XPC: variants seen among roughly 807,000 people sequenced by gnomAD.
The protein encoded by XPC is DNA repair protein complementing XP-C cells.
In XPC, 76 loss-of-function variants were observed where a neutral mutation model predicts 95.8. The ratio of observed to expected loss-of-function variants is 0.79; its 90% CI spans 0.66 to 0.96. The LOEUF (loss-of-function observed/expected upper bound fraction) is 0.96. XPC is among the 40% of genes least tolerant of loss of function. The pLI, the probability that XPC is intolerant of heterozygous loss-of-function variation, is 0.00. For synonymous variants in XPC, 442 were observed against 442.1 expected, an observed-to-expected ratio of 1.00 and a Z score of 0.00; for missense variants, 1,146 against 1,179.8, an observed-to-expected ratio of 0.97 and a Z score of 0.42.
chr3:14,164,704 T>C (rs1696301456), intron 7 of XPC, 109 bp downstream of exon 7: 1 of 1,140,266 alleles, frequency 8.8e-7, no homozygotes, highest in East Asian at 2.6e-5. Flanking sequence ...TTATGAGGAC[T>C]GAATAAGGTA....
chr3:14,158,933 T>C lies in XPC; in HGVS notation c.991-41A>G, dbSNP rs748574678. On this transcript the variant is annotated intron_variant, in intron 8 of 15. Coordinates refer to ENST00000285021, the MANE Select transcript of XPC (RefSeq NM_004628.5). This position sits in a 1 kb window ranked among gnomAD's most constrained non-coding sequence, Gnocchi z 5.2. ...AAATTTTGCTTTTTTTTCTCCCCCC[T>C]CTTTTGCTAATGATATGATAGAAAT... 7.5e-6 allele frequency: 12 copies of C among 1,610,492 alleles called. No individual in the cohort carries two copies. Among genetic ancestry groups the C allele is most frequent in the Middle Eastern group, 1.9e-4 (1 of 5,258 alleles).
Position 14,154,262 on chromosome 3 carries a change from T to C in XPC, c.2034-1846A>G, listed in dbSNP as rs372471173. Among the ~76,000 whole-genome samples the C allele has an allele frequency of 7.2e-4, 109 of 152,308 alleles. 1 individual carries two copies. The South Asian group carries it at 0.021, about 29-fold the overall frequency. ...TAAAAAAATGATGGGAATTACCATCTGGCCTAGTAATTGTACTGGGTATAT... is the reference window on the plus strand; with the variant it reads ...TAAAAAAATGATGGGAATTACCATCCGGCCTAGTAATTGTACTGGGTATAT... On this transcript the variant is annotated intron_variant, in intron 10 of 15. Transcript: ENST00000285021.
At chr3:14,167,286 G>A (rs769901481) in intron 4 of XPC, 33 bp from the exon 5 acceptor site, 18 of 1,579,260 alleles carry the variant, frequency 1.1e-5, no homozygotes, top group Non-Finnish European at 1.3e-5. Flanking sequence ...TGGGAATGAA[G>A]GGGGGAACTG....
intron 9 of XPC, among the ~76,000 whole-genome samples, chr3:14,156,698 T>C (rs1051992366): frequency 1.3e-5 from 2 of 152,158 alleles, no homozygotes; most frequent in African/African-American, 4.8e-5. Flanking sequence ...AAGAATCAAA[T>C]AAATCTGTGG....
chr3:14,170,728 C>T (rs181914419), intron 2 of XPC, 178 bp from the exon 3 acceptor site: 65 of 494,516 alleles, frequency 1.3e-4, no homozygotes, highest in Non-Finnish European at 2.2e-4. Context: ...CAAATCTCAT[C>T]AAGATGTGCT....
chr3:14,173,278 A>G (rs1696688013), intron 1 of XPC, among the ~76,000 whole-genome samples: 1 of 152,158 alleles, frequency 6.6e-6, no homozygotes, highest in Non-Finnish European at 1.5e-5. Flanking sequence ...CTTTATCAGC[A>G]CTTTACTTCT....
Position 14,159,933 on chromosome 3 carries a change from G to A in XPC, c.901-103C>T, listed in dbSNP as rs542105165. 1.5e-5 allele frequency: 18 copies of A among 1,170,476 alleles called. No homozygotes were observed. The African/African-American group carries it at 2.4e-4, about 16-fold the overall frequency. The allele number at this position is 1,170,476 out of a possible 1,614,324, so 72.5% of individuals were successfully genotyped here. On this transcript the variant is annotated intron_variant, in intron 7 of 15. Coordinates refer to ENST00000285021, the MANE Select transcript of XPC (RefSeq NM_004628.5). ...TGCTTGTTCAAGACAGGGAAAAGCT[G>A]GAAACAGCCAGACTGTCTAACAGTA... is the stretch of plus-strand genomic sequence containing the variant.
intron 10 of XPC, chr3:14,152,889 A>G (rs1222239772): frequency 1.3e-5 from 2 of 154,068 alleles, no homozygotes; most frequent in African/African-American, 4.8e-5. Flanking sequence ...CAGAGAAGCC[A>G]ACTATAATAA....
Position 14,178,542 on chromosome 3 carries a change from C to T in XPC, c.27G>A (p.Gly9=). 1 of 1,613,094 alleles carries T rather than the reference C, an allele frequency of 6.2e-7. No individual in the cohort carries two copies. Residue 9 remains glycine, a synonymous_variant, in exon 1 of 16, where the codon GGG becomes GGA. Coordinates refer to ENST00000285021, the MANE Select transcript of XPC (RefSeq NM_004628.5). MARKRAAG[G]EPRGRELRSQ... ...TGCGCAGTTCGCGTCCCCGCGGCTC[C>T]CCGCCGGCCGCGCGTTTCCGAGCCA...
intron 13 of XPC, 152 bp downstream of exon 13, chr3:14,148,410 A>G: frequency 1.9e-6 from 2 of 1,050,126 alleles, no homozygotes; most frequent in South Asian, 1.7e-5. Context: ...GAATTGGTAA[A>G]GCACTGACTT....
chr3:14,167,357 C>G (rs911140140), intron 4 of XPC, 104 bp from the exon 5 acceptor site: 1 of 1,024,004 alleles, frequency 9.8e-7, no homozygotes, highest in African/African-American at 1.6e-5. Context: ...ATCACTCTCC[C>G]TGTTTCCCTA....
chr3:14,170,424 G>T lies in XPC; in HGVS notation c.412+14C>A. On this transcript the variant is annotated intron_variant, in intron 3 of 15. Transcript: ENST00000285021. The stretch of plus-strand genomic sequence containing the variant: ...AGAACCAAACAGTTCTGAAAACAAA[G>T]AAAGATGTTTCACCTTCAACCTCTT... 6.2e-7 allele frequency: 1 copy of T among 1,610,414 alleles called. No individual in the cohort carries two copies. Among genetic ancestry groups the T allele is most frequent in the Non-Finnish European group, 8.5e-7 (1 of 1,176,924 alleles).
intron 4 of XPC, 151 bp from the exon 5 acceptor site, chr3:14,167,404 G>T: frequency 1.6e-6 from 1 of 637,454 alleles, no homozygotes; most frequent in Non-Finnish European, 2.5e-6. Context: ...CTGCAAGCCA[G>T]CTATTTCCTG....
chr3:14,156,635 T>C (rs1304768698), intron 9 of XPC, 140 bp from the exon 10 acceptor site: 8 of 1,156,412 alleles, frequency 6.9e-6, no homozygotes, highest in Non-Finnish European at 5.1e-6. Context: ...TTTTGTAACA[T>C]CGCATCTGTA....
intron 2 of XPC, among the ~76,000 whole-genome samples, chr3:14,172,458 G>C (rs1559384183): frequency 6.6e-6 from 1 of 152,218 alleles, no homozygotes; most frequent in Admixed American, 6.5e-5. Context: ...TGCAGGTGTA[G>C]AAAGTAGGAG....
chr3:14,152,079 G>A (rs1287090343), intron 11 of XPC, among the ~76,000 whole-genome samples: 2 of 152,186 alleles, frequency 1.3e-5, no homozygotes, highest in African/African-American at 4.8e-5. Context: ...TTCACAACAG[G>A]AGTCTGAGGC....
At chr3:14,174,911 C>A (rs1421556449) in intron 1 of XPC, among the ~76,000 whole-genome samples, 1 of 151,988 alleles carries the variant, frequency 6.6e-6, no homozygotes, top group East Asian at 1.9e-4. Context: ...TCTCCAAAAT[C>A]TTGAGTTATC....
chr3:14,166,262 C>T (rs1696374729), intron 5 of XPC, among the ~76,000 whole-genome samples: 1 of 152,156 alleles, frequency 6.6e-6, no homozygotes, highest in South Asian at 2.1e-4. Context: ...TCTCCTCACT[C>T]AGGCCTCAAA....
At chr3:14,167,285 AG>A in intron 4 of XPC, 32 bp from the exon 5 acceptor site, 1 of 1,585,798 alleles carries the variant, frequency 6.3e-7, no homozygotes, top group South Asian at 1.1e-5. Flanking sequence ...CTGGGAATGA[AG>A]GGGGGAACTG....
Sources: allele counts gnomAD v4.1 joint callset (sites outside exome capture counted in the v4.1 genomes callset), GRCh38; gene constraint gnomAD v4.1.1; non-coding constraint Gnocchi (gnomAD v3.1); transcripts MANE v1.5; gene names NCBI Gene and HGNC (gene_info 2026-07-23, HGNC 2026-07-21).